PARP4: variants seen among roughly 807,000 people sequenced by gnomAD.
PARP4 encodes the protein poly(ADP-ribose) polymerase family member 4, also known as protein mono-ADP-ribosyltransferase PARP4.
PARP4 carries 120 observed loss-of-function variants against 187.7 expected under a neutral mutation model. The observed-to-expected ratio is 0.64, with a 90% CI of 0.55 to 0.74. PARP4 has a LOEUF of 0.74. Among genes scored for constraint, PARP4 ranks in the 30% least tolerant of loss-of-function variants. The pLI is 0.00. For synonymous variants in PARP4, 654 were observed against 740.9 expected (o/e 0.88, Z 1.90); for missense variants, 1,836 against 2,070.5 (o/e 0.89, Z 2.20).
intron 10 of PARP4, 120 bp downstream of exon 10, chr13:24,490,548 C>G: frequency 1.2e-6 from 1 of 802,212 alleles, no homozygotes; most frequent in Non-Finnish European, 2.0e-6. Flanking sequence ...TGTCATCACA[C>G]CACCGCTACT....
chr13:24,493,365 C>T (rs948540069), intron 8 of PARP4, among the ~76,000 whole-genome samples: 6 of 152,176 alleles, frequency 3.9e-5, no homozygotes, highest in East Asian at 1.9e-4. Flanking sequence ...AGCCTGCCTT[C>T]GATCAGCTCT....
intron 6 of PARP4, 29 bp from the exon 7 acceptor site, chr13:24,494,751 C>G: frequency 2.6e-6 from 4 of 1,520,604 alleles, no homozygotes; most frequent in Non-Finnish European, 3.6e-6. Context: ...AGCAAAAGTA[C>G]AGTCATTATT....
At chr13:24,471,028 G>A (rs1370491768) in intron 15 of PARP4, among the ~76,000 whole-genome samples, 1 of 152,192 alleles carries the variant, frequency 6.6e-6, no homozygotes, top group Non-Finnish European at 1.5e-5. Context: ...GCGTCCTGGA[G>A]TTTCTCAGCG....
At chr13:24,430,214 A>G (rs1870265137) in intron 32 of PARP4, among the ~76,000 whole-genome samples, 1 of 152,216 alleles carries the variant, frequency 6.6e-6, no homozygotes, top group Admixed American at 6.5e-5. Flanking sequence ...GTGCAGGTCA[A>G]ACAGGCTATG....
At chr13:24,432,209 C>T (rs969204948) in intron 31 of PARP4, among the ~76,000 whole-genome samples, 1 of 151,992 alleles carries the variant, frequency 6.6e-6, no homozygotes, top group Non-Finnish European at 1.5e-5. Flanking sequence ...GTCTTTGTGT[C>T]GGCAACATTT....
At position 24,500,341 on chromosome 13, in the gene PARP4, C is replaced by T; in HGVS notation, c.376G>A (p.Glu126Lys). The T allele has an allele frequency of 6.2e-7, 1 of 1,603,340 alleles. No homozygotes were observed. Among genetic ancestry groups the T allele is most frequent in the Non-Finnish European group, 8.5e-7 (1 of 1,173,518 alleles). The stretch of plus-strand genomic sequence containing the variant: ...TCAGTGAGTTCCACAGTGTCTTCCT[C>T]CTCTGTGGCACTGTCCGGGCATAGA... ...EGLCPDSATE[E>K]EDTVELTEFG... Residue 126 changes from glutamate (E) to lysine (K), a missense_variant, in exon 4 of 34, where the codon GAG (glutamate) becomes AAG (lysine). Glu to Lys is a moderately conservative substitution (Grantham distance 56). Around this residue, in one of 8 missense-constraint regions of PARP4, gnomAD observed 1,147 missense variants for 1,214.2 expected, o/e 0.94. Transcript: ENST00000381989.
intron 9 of PARP4, 86 bp from the exon 10 acceptor site, chr13:24,490,914 T>G: frequency 4.0e-6 from 5 of 1,238,874 alleles, no homozygotes; most frequent in Non-Finnish European, 5.7e-6. Flanking sequence ...CTCAAAAAGA[T>G]AGGAAAAGTC....
intron 25 of PARP4, among the ~76,000 whole-genome samples, chr13:24,448,522 TG>T (rs895305342): frequency 3.3e-5 from 5 of 150,560 alleles, no homozygotes; most frequent in African/African-American, 1.2e-4. Flanking sequence ...GCACTGGTGG[TG>T]GGAATGTAAA....
At chr13:24,490,241 G>A (rs1413880852) in intron 10 of PARP4, among the ~76,000 whole-genome samples, 1 of 150,714 alleles carries the variant, frequency 6.6e-6, no homozygotes, top group African/African-American at 2.4e-5. Context: ...CAGTGAATGA[G>A]GGCCCAAGTG....
chr13:24,509,487 A>G lies in PARP4; in HGVS notation c.-2+3219T>C, dbSNP rs1279718235. On this transcript the variant is annotated intron_variant, in intron 1 of 33. Coordinates refer to ENST00000381989, the MANE Select transcript of PARP4 (RefSeq NM_006437.4). Reference sequence around the variant, plus strand: ...ATGCCACTGCACTCCAGCCTGGGTGACAAGAGACCCTATCTCAAAAAAAAA... The same window carrying G: ...ATGCCACTGCACTCCAGCCTGGGTGGCAAGAGACCCTATCTCAAAAAAAAA... Among the ~76,000 whole-genome samples, 11 of 151,508 alleles carry G rather than the reference A, an allele frequency of 7.3e-5. No individual in the cohort carries two copies. In the East Asian group the frequency reaches 1.9e-3, roughly 27 times the overall value.
At chr13:24,487,635 G>T (rs1868389819) in intron 10 of PARP4, among the ~76,000 whole-genome samples, 1 of 152,170 alleles carries the variant, frequency 6.6e-6, no homozygotes, top group Non-Finnish European at 1.5e-5. Context: ...GTTGTTGGGG[G>T]AGACGGGGGT....
At chr13:24,472,268 A>G (rs968622177) in intron 15 of PARP4, among the ~76,000 whole-genome samples, 2 of 152,178 alleles carry the variant, frequency 1.3e-5, no homozygotes, top group Non-Finnish European at 2.9e-5. Context: ...TACAGATCCT[A>G]AGTGGTGCCA....
At chr13:24,442,993 G>A (rs967397381) in intron 28 of PARP4, among the ~76,000 whole-genome samples, 3 of 151,524 alleles carry the variant, frequency 2.0e-5, no homozygotes, top group African/African-American at 4.9e-5. Flanking sequence ...AGGATAAAAG[G>A]GCCTTAAACA....
At chr13:24,502,417 T>TC (rs1869351821) in intron 2 of PARP4, among the ~76,000 whole-genome samples, 1 of 152,248 alleles carries the variant, frequency 6.6e-6, no homozygotes, top group South Asian at 2.1e-4. Flanking sequence ...ATTAACTTCA[T>TC]CCCCACTGTT....
At chr13:24,428,104 A>G (rs1460517115) in intron 32 of PARP4, among the ~76,000 whole-genome samples, 9 of 152,212 alleles carry the variant, frequency 5.9e-5, no homozygotes, top group African/African-American at 2.2e-4. Context: ...TTGAGACTCT[A>G]CGTCGAAGAA....
intron 33 of PARP4, among the ~76,000 whole-genome samples, chr13:24,425,717 C>T (rs1217411597): frequency 2.6e-5 from 4 of 151,996 alleles, no homozygotes; most frequent in African/African-American, 9.7e-5. Context: ...CCTTTTTAGA[C>T]CCTGCAACTC....
At chr13:24,438,166 G>A (rs911512738) in intron 30 of PARP4, among the ~76,000 whole-genome samples, 3 of 152,202 alleles carry the variant, frequency 2.0e-5, no homozygotes, top group African/African-American at 7.2e-5. Flanking sequence ...GATCACCTAA[G>A]GTGTGGTCCC....
chr13:24,432,531 T>C (rs966215144), intron 31 of PARP4, among the ~76,000 whole-genome samples: 2 of 152,194 alleles, frequency 1.3e-5, no homozygotes, highest in African/African-American at 4.8e-5. Context: ...CCACCCCTTT[T>C]GCTTTGTTTT....
At chr13:24,498,739 T>C (rs9581083) in intron 5 of PARP4, among the ~76,000 whole-genome samples, 14,855 of 144,624 alleles carry the variant, frequency 0.1, 797 homozygotes, top group Non-Finnish European at 0.12. Flanking sequence ...AGTGTTGATT[T>C]TCATTTGTGG....
Sources: allele counts gnomAD v4.1 joint callset (sites outside exome capture counted in the v4.1 genomes callset), GRCh38; gene constraint gnomAD v4.1.1; regional missense constraint gnomAD v4.1.1; transcripts MANE v1.5; gene names NCBI Gene and HGNC (gene_info 2026-07-23, HGNC 2026-07-21).